Variants in KIF5C observed in about 807,000 individuals in gnomAD.
KIF5C encodes kinesin family member 5C.
In KIF5C, 18 loss-of-function variants were observed where a neutral mutation model predicts 125.2. The observed-to-expected ratio is 0.14, with a 90% CI of 0.10 to 0.21. The LOEUF (loss-of-function observed/expected upper bound fraction) is 0.21. Among genes scored for constraint, KIF5C ranks in the 10% least tolerant of loss-of-function variants. KIF5C has a pLI of 1.00. For synonymous variants in KIF5C, 405 were observed against 434.0 expected, an observed-to-expected ratio of 0.93 and a Z score of 0.83; for missense variants, 780 against 1,183.8, an observed-to-expected ratio of 0.66 and a Z score of 5.01.
At chr2:148,927,853 A>G (rs1272492999) in intron 2 of KIF5C, among the ~76,000 whole-genome samples, 2 of 151,912 alleles carry the variant, frequency 1.3e-5, no homozygotes, top group East Asian at 3.9e-4. Context: ...CCGAAATCTG[A>G]TATGTATGAA....
At chr2:148,912,224 G>A (rs756577877) in intron 1 of KIF5C, among the ~76,000 whole-genome samples, 30 of 152,276 alleles carry the variant, frequency 2.0e-4, no homozygotes, top group Non-Finnish European at 3.5e-4. Context: ...GGAAGTGTTG[G>A]GAGAGTTTGT....
intron 1 of KIF5C, among the ~76,000 whole-genome samples, chr2:148,888,068 G>T (rs931994017): frequency 1.3e-5 from 2 of 152,214 alleles, no homozygotes; most frequent in African/African-American, 4.8e-5. Context: ...GTTCGTAGTG[G>T]GTGACATTGA....
At chr2:149,006,778 G>C (rs1682022404) in intron 22 of KIF5C, among the ~76,000 whole-genome samples, 1 of 152,226 alleles carries the variant, frequency 6.6e-6, no homozygotes, top group Non-Finnish European at 1.5e-5. Context: ...GCCTGGCCCT[G>C]GCAGGAGAGT....
At chr2:148,985,864 T>C (rs1208913161) in intron 15 of KIF5C, among the ~76,000 whole-genome samples, 1 of 152,220 alleles carries the variant, frequency 6.6e-6, no homozygotes, top group Non-Finnish European at 1.5e-5. Context: ...ATGTAACCAT[T>C]CTTTCATGGA....
At chr2:148,933,697 C>T (rs1682224848) in intron 3 of KIF5C, among the ~76,000 whole-genome samples, 1 of 151,304 alleles carries the variant, frequency 6.6e-6, no homozygotes, top group Admixed American at 6.6e-5. Flanking sequence ...TACACACAGA[C>T]ACATCACACA....
rs1682970334 is a variant in KIF5C at position 148,963,168 on chromosome 2, T to G, written c.1117+1049T>G. ...TTAGAAGGTAGAAGGCTTTTTTTTT[T>G]TTTCTTTTTAACTAAAATAAGGCAG... On this transcript the variant is annotated intron_variant, in intron 11 of 25. Coordinates refer to ENST00000435030, the MANE Select transcript of KIF5C (RefSeq NM_004522.3). 2.0e-5 allele frequency among the ~76,000 whole-genome samples: 3 copies of G among 152,022 alleles called. No individual in the cohort carries two copies. In the South Asian group the frequency reaches 6.2e-4, roughly 32 times the overall value.
intron 1 of KIF5C, among the ~76,000 whole-genome samples, chr2:148,875,950 G>GGGCGGGGGT (rs1208592568): frequency 6.6e-6 from 1 of 151,882 alleles, no homozygotes; most frequent in African/African-American, 2.4e-5. Flanking sequence ...GCGGCGGGCC[G>GGGCGGGGGT]GGCGGGGGTG....
At chr2:148,979,412 G>A (rs1681171126) in intron 13 of KIF5C, among the ~76,000 whole-genome samples, 1 of 152,168 alleles carries the variant, frequency 6.6e-6, no homozygotes, top group South Asian at 2.1e-4. Context: ...AAGTAGCTAA[G>A]ACTACAAGAA....
chr2:148,900,534 C>T (rs574339049), intron 1 of KIF5C, among the ~76,000 whole-genome samples: 3 of 152,330 alleles, frequency 2.0e-5, no homozygotes, highest in South Asian at 4.1e-4. Context: ...GGCTCTTTCT[C>T]ATCCCACACT....
intron 12 of KIF5C, among the ~76,000 whole-genome samples, chr2:148,978,352 T>TG (rs1558928905): frequency 1.3e-5 from 2 of 148,662 alleles, no homozygotes; most frequent in Non-Finnish European, 1.5e-5. Flanking sequence ...TTTTTTTTTT[T>TG]TTTTTTTTTT....
chr2:149,017,699 T>G (rs1292938172), intron 25 of KIF5C, among the ~76,000 whole-genome samples: 1 of 152,200 alleles, frequency 6.6e-6, no homozygotes, highest in East Asian at 1.9e-4. Context: ...GAGTAGTAAA[T>G]AGAGTATTTT....
At position 148,950,340 on chromosome 2, in the gene KIF5C, C is replaced by T; in HGVS notation, c.846C>T (p.Ser282=). 1 of 1,613,980 alleles carries T rather than the reference C, an allele frequency of 6.2e-7. No individual in the cohort carries two copies. The highest frequency in any genetic ancestry group is 8.5e-7 in the Non-Finnish European group (1 of 1,179,862). ...AAACACATGTGCCATACCGGGACAG[C>T]AAGATGACTCGGATTCTTCAGGACT... ...GTKTHVPYRD[S]KMTRILQDSL... Residue 282 remains serine, a synonymous_variant, in exon 10 of 26, where the codon AGC becomes AGT. Transcript: ENST00000435030.
intron 15 of KIF5C, among the ~76,000 whole-genome samples, chr2:148,984,795 T>C (rs1681332757): frequency 6.6e-6 from 1 of 152,038 alleles, no homozygotes; most frequent in Non-Finnish European, 1.5e-5. Flanking sequence ...TTTATTTATT[T>C]ATTTATTTAT....
At chr2:148,966,353 T>C (rs562351942) in intron 11 of KIF5C, among the ~76,000 whole-genome samples, 67 of 149,374 alleles carry the variant, frequency 4.5e-4, no homozygotes, top group Admixed American at 8.6e-4. Context: ...TGTGTGTGTG[T>C]GCGCGCGCGC....
chr2:148,927,674 C>T (rs1438028547), intron 2 of KIF5C, among the ~76,000 whole-genome samples: 1 of 152,106 alleles, frequency 6.6e-6, no homozygotes, highest in East Asian at 1.9e-4. Context: ...TTGGGTCCCT[C>T]AAAGCATATC....
chr2:148,960,283 C>G (rs1682895457), intron 10 of KIF5C, among the ~76,000 whole-genome samples: 1 of 152,210 alleles, frequency 6.6e-6, no homozygotes, highest in Non-Finnish European at 1.5e-5. Context: ...TATCAAGGGA[C>G]TCTTTATGAT....
At chr2:148,984,431 T>C (rs905935190) in intron 15 of KIF5C, among the ~76,000 whole-genome samples, 4 of 152,192 alleles carry the variant, frequency 2.6e-5, no homozygotes, top group Non-Finnish European at 5.9e-5. Flanking sequence ...CAATGTCAAG[T>C]TCTCAGGCTT....
intron 8 of KIF5C, among the ~76,000 whole-genome samples, chr2:148,949,460 CTT>C (rs1204487960): frequency 6.6e-6 from 1 of 152,148 alleles, no homozygotes; most frequent in East Asian, 1.9e-4. Flanking sequence ...AATATTTTCT[CTT>C]CATGCTTCCC....
At chr2:148,951,879 A>G (rs925134678) in intron 10 of KIF5C, among the ~76,000 whole-genome samples, 3 of 152,322 alleles carry the variant, frequency 2.0e-5, no homozygotes, top group East Asian at 1.9e-4. Flanking sequence ...GGAAATTGTT[A>G]TGGCTTGTTT....
Sources: gnomAD v4.1 joint callset for allele counts (sites outside exome capture counted in the v4.1 genomes callset) on GRCh38, gnomAD v4.1.1 for gene constraint, MANE v1.5 for transcripts, NCBI Gene and HGNC (gene_info 2026-07-23, HGNC 2026-07-21) for gene names.